The following DLG2 variants were observed in gnomAD, a reference collection of about 807,000 sequenced individuals.
DLG2 encodes discs large MAGUK scaffold protein 2.
Under a neutral mutation model 132.5 loss-of-function variants are expected in DLG2, and 45 were observed. That is an observed-to-expected ratio of 0.34 (90% CI 0.27 to 0.44). The LOEUF (loss-of-function observed/expected upper bound fraction) is 0.44, where lower values mean the gene tolerates loss of function less well. Among genes scored for constraint, DLG2 ranks in the 20% least tolerant of loss-of-function variants. The pLI is 1.00. For missense variants in DLG2, 1,045 were observed against 1,196.9 expected (o/e 0.87, Z 1.87); for synonymous variants, 424 against 419.6 (o/e 1.01, Z -0.13).
At chr11:85,322,156 C>A (rs956791639) in intron 3 of DLG2, among the ~76,000 whole-genome samples, 1 of 152,054 alleles carries the variant, frequency 6.6e-6, no homozygotes, top group African/African-American at 2.4e-5. Flanking sequence ...TCACCATATC[C>A]TTTTCTCACC....
chr11:84,694,414 A>T lies in DLG2; in HGVS notation c.358-159683T>A, dbSNP rs2058394834. On this transcript the variant is annotated intron_variant, in intron 6 of 27. Transcript: ENST00000376104. ...TATTTGTAAGAAAACTACATTGTAA[A>T]CATACAATATTTTTATTTCCTAAGC... Among the ~76,000 whole-genome samples the T allele has an allele frequency of 2.6e-5, 4 of 151,652 alleles. No individual in the cohort carries two copies. In the South Asian group the frequency reaches 8.3e-4, roughly 31 times the overall value.
chr11:85,282,620 G>A (rs2078302750), intron 4 of DLG2, among the ~76,000 whole-genome samples: 2 of 151,856 alleles, frequency 1.3e-5, no homozygotes, highest in Admixed American at 1.3e-4. Flanking sequence ...TGAAAGGGGA[G>A]TCCACAAAAA....
intron 4 of DLG2, among the ~76,000 whole-genome samples, chr11:85,196,164 CAA>C (rs1469774579): frequency 2.0e-5 from 3 of 152,178 alleles, no homozygotes; most frequent in African/African-American, 7.2e-5. Context: ...AAATCAGTGA[CAA>C]ATCCAAGTTC....
intron 3 of DLG2, among the ~76,000 whole-genome samples, chr11:85,356,428 T>C (rs2083697826): frequency 6.6e-6 from 1 of 152,116 alleles, no homozygotes; most frequent in East Asian, 1.9e-4. Context: ...GTTGAAAATG[T>C]AAAGTGAAAA....
chr11:83,790,368 C>CATCT, intron 17 of DLG2: 1 of 885,416 alleles, frequency 1.1e-6, no homozygotes, highest in Non-Finnish European at 1.8e-6. Flanking sequence ...AGGAAAGAAC[C>CATCT]ATCTGGCAGG....
At chr11:83,698,719 T>C (rs569830904) in intron 18 of DLG2, among the ~76,000 whole-genome samples, 12 of 152,334 alleles carry the variant, frequency 7.9e-5, no homozygotes, top group African/African-American at 2.4e-4. Flanking sequence ...GTTTTTGCCA[T>C]GTGCCAAGCT....
At chr11:84,345,185 TC>T in intron 7 of DLG2, among the ~76,000 whole-genome samples, 1 of 152,280 alleles carries the variant, frequency 6.6e-6, no homozygotes, top group African/African-American at 2.4e-5. Context: ...TTCCCATAGA[TC>T]ATCTTTCCAA....
intron 3 of DLG2, among the ~76,000 whole-genome samples, chr11:85,374,623 A>G (rs758502371): frequency 6.1e-4 from 93 of 152,186 alleles, no homozygotes; most frequent in Admixed American, 1.7e-3. Context: ...TGCTGCAATT[A>G]CAGGCATGAG....
chr11:85,465,469 C>T (rs1443286506), intron 3 of DLG2, among the ~76,000 whole-genome samples: 8 of 152,090 alleles, frequency 5.3e-5, no homozygotes, highest in African/African-American at 9.7e-5. Context: ...CCCCACCCCA[C>T]AACAGGCCCT....
chr11:85,356,852 T>G (rs2083741374), intron 3 of DLG2, among the ~76,000 whole-genome samples: 1 of 151,972 alleles, frequency 6.6e-6, no homozygotes. Context: ...CACACACTCT[T>G]TCATTTTGCT....
intron 15 of DLG2, among the ~76,000 whole-genome samples, chr11:83,910,817 A>T (rs982103428): frequency 6.6e-6 from 1 of 152,124 alleles, no homozygotes; most frequent in African/African-American, 2.4e-5. Flanking sequence ...CATTGTCGTG[A>T]TGATTATTAA....
intron 6 of DLG2, among the ~76,000 whole-genome samples, chr11:84,994,943 G>A (rs1346533029): frequency 6.6e-6 from 1 of 152,124 alleles, no homozygotes; most frequent in Non-Finnish European, 1.5e-5. Context: ...GAGTCTTGGG[G>A]TGTGTGTAAG....
At chr11:84,210,021 G>A (rs1394956789) in intron 8 of DLG2, among the ~76,000 whole-genome samples, 1 of 152,164 alleles carries the variant, frequency 6.6e-6, no homozygotes. Flanking sequence ...GGTGGCTCAT[G>A]CATGTAATCC....
At chr11:84,988,098 T>C (rs2056697379) in intron 6 of DLG2, among the ~76,000 whole-genome samples, 1 of 151,598 alleles carries the variant, frequency 6.6e-6, no homozygotes. Flanking sequence ...AATAGACAAT[T>C]CTCAAAAGAA....
At chr11:84,893,863 G>T (rs141633799) in intron 6 of DLG2, among the ~76,000 whole-genome samples, 2 of 152,254 alleles carry the variant, frequency 1.3e-5, no homozygotes, top group East Asian at 3.9e-4. Context: ...TTAGCTTACA[G>T]CACTGTACAG....
At chr11:84,080,994 A>T (rs1237564427) in intron 10 of DLG2, among the ~76,000 whole-genome samples, 2 of 154 alleles carry the variant, frequency 0.013, no homozygotes, top group Non-Finnish European at 0.023. Flanking sequence ...CTCTGTCTCA[A>T]AAAAAAAAAA....
chr11:84,757,057 T>C (rs1054658581), intron 6 of DLG2, among the ~76,000 whole-genome samples: 8 of 152,206 alleles, frequency 5.3e-5, no homozygotes, highest in African/African-American at 1.9e-4. Flanking sequence ...GAACTAAGAA[T>C]AATTATGCTT....
intron 8 of DLG2, among the ~76,000 whole-genome samples, chr11:84,246,460 A>G (rs560334251): frequency 6.6e-6 from 1 of 152,292 alleles, no homozygotes; most frequent in South Asian, 2.1e-4. Flanking sequence ...CCAAAGCACA[A>G]GAATAGTGAT....
chr11:85,235,522 CA>C (rs2075538870), intron 4 of DLG2, among the ~76,000 whole-genome samples: 2 of 151,962 alleles, frequency 1.3e-5, no homozygotes, highest in East Asian at 1.9e-4. Context: ...GAAAATCTTC[CA>C]AAAATGAACT....
Sources: allele counts gnomAD v4.1 joint callset (sites outside exome capture counted in the v4.1 genomes callset), GRCh38; gene constraint gnomAD v4.1.1; transcripts MANE v1.5; gene names NCBI Gene and HGNC (gene_info 2026-07-23, HGNC 2026-07-21).